Variants in RIMBP2 observed in about 807,000 individuals in gnomAD.
RIMBP2 encodes the protein RIMS binding protein 2.
A neutral mutation model predicts 118.6 loss-of-function variants in RIMBP2; 48 were observed. The observed-to-expected ratio is 0.40, with a 90% confidence interval of 0.32 to 0.51. The LOEUF (loss-of-function observed/expected upper bound fraction) is 0.51, where lower values mean the gene tolerates loss of function less well. RIMBP2 is among the 20% of genes least tolerant of loss of function. The pLI, the probability that RIMBP2 is intolerant of heterozygous loss-of-function variation, is 0.41. For missense variants in RIMBP2, 1,551 were observed against 1,768.3 expected (o/e 0.88, Z 2.20); for synonymous variants, 762 against 742.9 (o/e 1.03, Z -0.42).
chr12:130,399,653 T>TA (rs1181044749), intron 22 of RIMBP2, 26 bp downstream of exon 22: 1 of 1,613,242 alleles, frequency 6.2e-7, no homozygotes, highest in African/African-American at 1.3e-5. Flanking sequence ...GGACAGAGAT[T>TA]AAAAAGGCTA....
intron 4 of RIMBP2, among the ~76,000 whole-genome samples, chr12:130,505,277 G>A (rs1372111272): frequency 2.6e-5 from 4 of 152,032 alleles, no homozygotes; most frequent in African/African-American, 4.8e-5. Flanking sequence ...TTTGCTAATC[G>A]AGATGGCATC....
In RIMBP2 at chr12:130,703,411, G is replaced by T. The variant is rs1033680661; in HGVS notation, c.-352+12811C>A. ...ATGACCTTGTGTTAGAACTGTGGTGGGAAGAGTGCTGTATTCTCAAACGAT... is the reference window on the plus strand; with the variant it reads ...ATGACCTTGTGTTAGAACTGTGGTGTGAAGAGTGCTGTATTCTCAAACGAT... On this transcript the variant is annotated intron_variant, in intron 1 of 22. Coordinates refer to ENST00000690449, the MANE Select transcript of RIMBP2 (RefSeq NM_001393629.1). This position sits in a 1 kb window ranked among gnomAD's most constrained non-coding sequence, Gnocchi z 5.7. Among the ~76,000 whole-genome samples the T allele has an allele frequency of 6.6e-6, 1 of 152,190 alleles. No individual in the cohort carries two copies. Among genetic ancestry groups the T allele is most frequent in the Non-Finnish European group, 1.5e-5 (1 of 68,034 alleles).
chr12:130,688,321 T>C lies in RIMBP2; in HGVS notation c.-352+27901A>G, dbSNP rs575237816. Among the ~76,000 whole-genome samples, 19 of 152,176 alleles carry C rather than the reference T, an allele frequency of 1.2e-4. No homozygotes were observed. The highest frequency in any genetic ancestry group is 4.1e-4 in the African/African-American group (17 of 41,528). On this transcript the variant is annotated intron_variant, in intron 1 of 22. Transcript: ENST00000690449. The surrounding 1 kb of genome is among the most constrained non-coding windows in gnomAD (Gnocchi z 4.7). The stretch of plus-strand genomic sequence containing the variant: ...CTCCTCACCTCCAGCCTTTCTAGCC[T>C]CACTAGCCTCCCAAGCTTGCTCCCG...
chr12:130,529,157 G>A (rs1277004821), intron 2 of RIMBP2, among the ~76,000 whole-genome samples: 3 of 152,098 alleles, frequency 2.0e-5, no homozygotes, highest in Non-Finnish European at 2.9e-5. Context: ...CAACAGGGAT[G>A]AACCTCAAAA....
rs1056369202 is a variant in RIMBP2, at chr12:130,406,240, C to T, written c.3697G>A (p.Glu1233Lys). The change falls in exon 21 of 23, where the codon GAA becomes AAA. Residue 1233 changes from glutamate (E) to lysine (K), a missense_variant. By Grantham distance (56) the Glu-to-Lys change is moderately conservative (BLOSUM62 1). Around this residue, in one of 5 missense-constraint regions of RIMBP2, gnomAD observed 1,038 missense variants for 1,125.1 expected, o/e 0.92. Coordinates refer to ENST00000690449, the MANE Select transcript of RIMBP2 (RefSeq NM_001393629.1). The part of the protein sequence containing the change: ...ESSPNVDVEA[E>K]LTFCTGDIIT... ...ATATCTCCTGTGCAAAATGTAAGTTCGGCCTGTGGAGATGAAACATAAAAT... is the reference window on the plus strand; with the variant it reads ...ATATCTCCTGTGCAAAATGTAAGTTTGGCCTGTGGAGATGAAACATAAAAT... The T allele has an allele frequency of 1.3e-6, 2 of 1,597,676 alleles. No individual in the cohort carries two copies. The highest frequency in any genetic ancestry group is 1.3e-5 in the African/African-American group (1 of 74,504).
In RIMBP2 at chr12:130,703,049, C is replaced by T. The variant is rs571386524; in HGVS notation, c.-352+13173G>A. ...AAAATGCTGCTGCTACTCAGATGCC[C>T]GGAGAAGTTCATTAGAACAGGATTT... On this transcript the variant is annotated intron_variant, in intron 1 of 22. Coordinates refer to ENST00000690449, the MANE Select transcript of RIMBP2 (RefSeq NM_001393629.1). The surrounding 1 kb of genome is among the most constrained non-coding windows in gnomAD (Gnocchi z 5.7). Among the ~76,000 whole-genome samples the T allele has an allele frequency of 9.2e-5, 14 of 152,234 alleles. No homozygotes were observed. The South Asian group carries it at 1.7e-3, about 18-fold the overall frequency.
chr12:130,414,043 T>C, intron 18 of RIMBP2, 82 bp downstream of exon 18: 2 of 1,423,566 alleles, frequency 1.4e-6, no homozygotes, highest in East Asian at 2.3e-5. Flanking sequence ...TCTAAGTCGA[T>C]ACCCTGTTGC....
chr12:130,630,735 A>T (rs1343480048), intron 1 of RIMBP2, among the ~76,000 whole-genome samples: 1 of 152,210 alleles, frequency 6.6e-6, no homozygotes, highest in Non-Finnish European at 1.5e-5. Flanking sequence ...TTAGGGCATT[A>T]GACTTCTCAG....
At chr12:130,642,373 C>T (rs143168794) in intron 1 of RIMBP2, among the ~76,000 whole-genome samples, 1 of 152,312 alleles carries the variant, frequency 6.6e-6, no homozygotes, top group East Asian at 1.9e-4. Flanking sequence ...TAACCTCCAC[C>T]TCCCGGGTTC....
At chr12:130,654,688 G>T (rs2063352719) in intron 1 of RIMBP2, among the ~76,000 whole-genome samples, 1 of 152,156 alleles carries the variant, frequency 6.6e-6, no homozygotes, top group African/African-American at 2.4e-5. Flanking sequence ...TTTTTGTATT[G>T]CTATAAAGAA....
chr12:130,569,629 C>T (rs1386879676), intron 2 of RIMBP2, among the ~76,000 whole-genome samples: 3 of 152,216 alleles, frequency 2.0e-5, no homozygotes, highest in African/African-American at 7.2e-5. Flanking sequence ...GAGCTATTCT[C>T]CTGATAGTGG....
intron 2 of RIMBP2, among the ~76,000 whole-genome samples, chr12:130,520,194 G>A (rs1171237600): frequency 2.0e-5 from 3 of 152,102 alleles, no homozygotes; most frequent in African/African-American, 7.2e-5. Context: ...GTGATTCAAG[G>A]TCAGTTGCTT....
At position 130,552,496 on chromosome 12, in the gene RIMBP2, A is replaced by G. The variant is rs1001341002; in HGVS notation, c.-216-34579T>C. On this transcript the variant is annotated intron_variant, in intron 2 of 22. Coordinates refer to ENST00000690449, the MANE Select transcript of RIMBP2 (RefSeq NM_001393629.1). The stretch of plus-strand genomic sequence containing the variant: ...AAATAATAATGACAAGATAATGGCT[A>G]AAATGATAATGAGAGTGTTCTTTCC... 2.0e-5 allele frequency among the ~76,000 whole-genome samples: 3 copies of G among 152,232 alleles called. 1 individual carries two copies. In the East Asian group the frequency reaches 5.8e-4, roughly 29 times the overall value.
intron 2 of RIMBP2, among the ~76,000 whole-genome samples, chr12:130,519,487 G>A (rs576741167): frequency 6.6e-6 from 1 of 152,358 alleles, no homozygotes; most frequent in Non-Finnish European, 1.5e-5. Context: ...TGTCTTCTGA[G>A]ATGGTCTGGA....
chr12:130,438,334 A>AGCCCCCCCCCCCC, intron 12 of RIMBP2, 31 bp downstream of exon 12: 2 of 1,344,516 alleles, frequency 1.5e-6, no homozygotes, highest in Non-Finnish European at 2.1e-6. Flanking sequence ...GGGCCTAACA[A>AGCCCCCCCCCCCC]ACCCTCCCCA....
At chr12:130,595,506 C>T (rs147695308) in intron 2 of RIMBP2, among the ~76,000 whole-genome samples, 84 of 152,156 alleles carry the variant, frequency 5.5e-4, no homozygotes, top group Non-Finnish European at 9.9e-4. Context: ...GCCCAGATCA[C>T]GCCACAGCAC....
intron 2 of RIMBP2, among the ~76,000 whole-genome samples, chr12:130,596,871 G>T (rs2059591997): frequency 6.6e-6 from 1 of 152,194 alleles, no homozygotes; most frequent in African/African-American, 2.4e-5. Context: ...TTTCGTGGAA[G>T]ATACAAATGC....
intron 4 of RIMBP2, among the ~76,000 whole-genome samples, chr12:130,481,219 T>C (rs1322341607): frequency 3.6e-5 from 4 of 112,592 alleles, no homozygotes; most frequent in African/African-American, 1.2e-4. Context: ...GACAGGCTGA[T>C]TACATTCTTC....
At chr12:130,626,491 GCTC>G (rs1314891245) in intron 2 of RIMBP2, among the ~76,000 whole-genome samples, 1 of 130,084 alleles carries the variant, frequency 7.7e-6, no homozygotes, top group Non-Finnish European at 1.6e-5. Context: ...ATCACCATCA[GCTC>G]CTCCATCACC....
Sources: gnomAD v4.1 joint callset for allele counts (sites outside exome capture counted in the v4.1 genomes callset) on GRCh38, gnomAD v4.1.1 for gene constraint, gnomAD v4.1.1 regional missense constraint, Gnocchi (gnomAD v3.1) non-coding constraint, MANE v1.5 for transcripts, NCBI Gene and HGNC (gene_info 2026-07-23, HGNC 2026-07-21) for gene names.